The following GLS variants were observed in gnomAD, a reference collection of about 807,000 sequenced individuals.
GLS encodes the protein glutaminase.
GLS carries 36 observed loss-of-function variants against 86.7 expected under a neutral mutation model. The observed-to-expected ratio is 0.42, with a 90% CI of 0.32 to 0.55. GLS has a LOEUF of 0.55. GLS is among the 20% of genes least tolerant of loss of function. GLS has a pLI of 0.17. For synonymous variants in GLS, 317 were observed against 305.9 expected, an observed-to-expected ratio of 1.04 and a Z score of -0.38; for missense variants, 528 against 833.4, an observed-to-expected ratio of 0.63 and a Z score of 4.51.
intron 14 of GLS, among the ~76,000 whole-genome samples, chr2:190,940,477 A>G (rs1690393399): frequency 6.6e-6 from 1 of 152,076 alleles, no homozygotes; most frequent in Non-Finnish European, 1.5e-5. Context: ...AGGATAACCA[A>G]AAAAATAACT....
At chr2:190,936,922 A>G (rs974440646) in intron 14 of GLS, among the ~76,000 whole-genome samples, 1 of 151,320 alleles carries the variant, frequency 6.6e-6, no homozygotes, top group African/African-American at 2.4e-5. Context: ...TTTTAAAGGT[A>G]TACGATCAGA....
At chr2:190,916,194 T>C (rs1245583861) in intron 7 of GLS, among the ~76,000 whole-genome samples, 1 of 152,200 alleles carries the variant, frequency 6.6e-6, no homozygotes, top group African/African-American at 2.4e-5. Flanking sequence ...ATCTTACAAA[T>C]TAGTATGGGA....
intron 17 of GLS, among the ~76,000 whole-genome samples, chr2:190,957,408 T>G (rs1157412732): frequency 2.0e-5 from 3 of 152,252 alleles, no homozygotes; most frequent in African/African-American, 7.2e-5. Context: ...TTTCTTTCCC[T>G]TGCCTGATTG....
chr2:190,894,516 G>GATTC (rs752932886), intron 1 of GLS, among the ~76,000 whole-genome samples: 16 of 152,056 alleles, frequency 1.1e-4, no homozygotes, highest in Non-Finnish European at 1.9e-4. Context: ...TGAATGTATT[G>GATTC]AGTCAACTGA....
chr2:190,881,453 G>A lies in GLS; in HGVS notation c.369G>A (p.Leu123=), dbSNP rs1365004761. 10 of 1,541,732 alleles carry A rather than the reference G, an allele frequency of 6.5e-6. No individual in the cohort carries two copies. The highest frequency in any genetic ancestry group is 7.9e-6 in the Non-Finnish European group (9 of 1,143,262). ...DAFGNSEGKE[L]VASGENKIKQ... The stretch of plus-strand genomic sequence containing the variant: ...TTGGCAACAGCGAGGGCAAAGAGCT[G>A]GTGGCCTCAGGTGAAAAGTGAGTGT... Residue 123 remains leucine (L), a synonymous_variant, in exon 1 of 18, where the codon CTG becomes CTA. Coordinates refer to ENST00000320717, the MANE Select transcript of GLS (RefSeq NM_014905.5).
In GLS at chr2:190,930,422, C is replaced by G; in HGVS notation, c.1426-15C>G. 6.3e-7 allele frequency: 1 copy of G among 1,582,854 alleles called. No homozygotes were observed. The highest frequency in any genetic ancestry group is 1.3e-5 in the African/African-American group (1 of 74,316). ...AAATGTTTACCTGAATACTCTTTTA[C>G]TGAATTATTTTTAGGTTGGTCTTCC... On this transcript the variant is annotated splice_polypyrimidine_tract_variant and intron_variant, in intron 12 of 17. Transcript: ENST00000320717. This position sits in a 1 kb window ranked among gnomAD's most constrained non-coding sequence, Gnocchi z 5.0.
In GLS at chr2:190,921,124, T is replaced by C. The variant is rs1162608128; in HGVS notation, c.1072-21T>C. ...TATATTTGTTTTTTGATTACTAATA[T>C]TCCCTACTTTTGGTTTCTAGGTCAT... On this transcript the variant is annotated intron_variant, in intron 8 of 17. Coordinates refer to ENST00000320717, the MANE Select transcript of GLS (RefSeq NM_014905.5). The surrounding 1 kb of genome is among the most constrained non-coding windows in gnomAD (Gnocchi z 4.2). 4 of 1,594,474 alleles carry C rather than the reference T, an allele frequency of 2.5e-6. No individual in the cohort carries two copies. In the Admixed American group the frequency reaches 6.7e-5, roughly 27 times the overall value.
chr2:190,924,909 G>T lies in GLS; in HGVS notation c.1248+316G>T, dbSNP rs532618116. 2 of 220,472 alleles carry T rather than the reference G, an allele frequency of 9.1e-6. No homozygotes were observed. Among genetic ancestry groups the T allele is most frequent in the Non-Finnish European group, 1.8e-5 (2 of 111,014 alleles). The allele number at this position is 220,472 out of a possible 1,614,324, so 13.7% of individuals were successfully genotyped here. ...CAGCCTGGCGACACAGTGAGACTCC[G>T]TCTCAAAATAAATAAATGGATGTGT... On this transcript the variant is annotated intron_variant, in intron 11 of 17. Coordinates refer to ENST00000320717, the MANE Select transcript of GLS (RefSeq NM_014905.5). This position sits in a 1 kb window ranked among gnomAD's most constrained non-coding sequence, Gnocchi z 5.2.
At position 190,915,919 on chromosome 2, in the gene GLS, A is replaced by G. The variant is rs572990166; in HGVS notation, c.1039-5105A>G. On this transcript the variant is annotated intron_variant, in intron 7 of 17. Transcript: ENST00000320717. ...TAAGTTGTCAGTCAATAGGAGCATTAGCATAATTTTTGAGGCTAGAGTACT... is the reference window on the plus strand; with the variant it reads ...TAAGTTGTCAGTCAATAGGAGCATTGGCATAATTTTTGAGGCTAGAGTACT... Among the ~76,000 whole-genome samples, 26 of 152,346 alleles carry G rather than the reference A, an allele frequency of 1.7e-4. No homozygotes were observed. In the East Asian group the frequency reaches 3.1e-3, roughly 18 times the overall value.
rs1690611994 is a variant in GLS at position 190,947,676 on chromosome 2, C to T, written c.1651-5889C>T. On this transcript the variant is annotated intron_variant, in intron 14 of 17. Coordinates refer to ENST00000320717, the MANE Select transcript of GLS (RefSeq NM_014905.5). This position sits in a 1 kb window ranked among gnomAD's most constrained non-coding sequence, Gnocchi z 5.0. ...ATGCCTCTGGCATTTACTGTTAACC[C>T]ATTATTTTCTGGACTTTGGCCTCCT... 6.6e-6 allele frequency among the ~76,000 whole-genome samples: 1 copy of T among 152,094 alleles called. No homozygotes were observed. The highest frequency in any genetic ancestry group is 2.1e-4 in the South Asian group (1 of 4,814).
intron 1 of GLS, among the ~76,000 whole-genome samples, chr2:190,892,243 A>G (rs1317239075): frequency 6.6e-6 from 1 of 152,218 alleles, no homozygotes; most frequent in Non-Finnish European, 1.5e-5. Context: ...TGGTAAGATG[A>G]TCTTAAAGGC....
At chr2:190,939,781 A>T (rs957647994) in intron 14 of GLS, among the ~76,000 whole-genome samples, 6 of 151,812 alleles carry the variant, frequency 4.0e-5, no homozygotes, top group African/African-American at 1.2e-4. Context: ...AATGAGATTG[A>T]TACCTAAAAT....
chr2:190,949,617 C>T lies in GLS; in HGVS notation c.1651-3948C>T, dbSNP rs1351142165. On this transcript the variant is annotated intron_variant, in intron 14 of 17. Coordinates refer to ENST00000320717, the MANE Select transcript of GLS (RefSeq NM_014905.5). This position sits in a 1 kb window ranked among gnomAD's most constrained non-coding sequence, Gnocchi z 4.0. ...CTGAGGTGGGAGAATCACTTGAACC[C>T]GAGAGGCGAAGGTTGTATGAGCCGA... 6.6e-6 allele frequency among the ~76,000 whole-genome samples: 1 copy of T among 151,938 alleles called. No homozygotes were observed. The highest frequency in any genetic ancestry group is 1.5e-5 in the Non-Finnish European group (1 of 67,976).
In GLS at chr2:190,905,983, A is replaced by G. The variant is rs1689123579; in HGVS notation, c.979+816A>G. 6.6e-6 allele frequency among the ~76,000 whole-genome samples: 1 copy of G among 151,974 alleles called. No individual in the cohort carries two copies. Among genetic ancestry groups the G allele is most frequent in the African/African-American group, 2.4e-5 (1 of 41,456 alleles). On this transcript the variant is annotated intron_variant, in intron 6 of 17. Coordinates refer to ENST00000320717, the MANE Select transcript of GLS (RefSeq NM_014905.5). This position sits in a 1 kb window ranked among gnomAD's most constrained non-coding sequence, Gnocchi z 4.6. Reference sequence around the variant, plus strand: ...GTATAAAAAATGAAATGTGCCTTATACTCATTATTTTATTAGTTTGTAAGA... The same window carrying G: ...GTATAAAAAATGAAATGTGCCTTATGCTCATTATTTTATTAGTTTGTAAGA...
chr2:190,932,403 C>T (rs1049586666), intron 14 of GLS, among the ~76,000 whole-genome samples: 6 of 151,772 alleles, frequency 4.0e-5, no homozygotes, highest in Non-Finnish European at 8.8e-5. Context: ...CCTAATTAGA[C>T]CTCAAGATAA....
At chr2:190,894,875 A>G (rs955596743) in intron 1 of GLS, among the ~76,000 whole-genome samples, 1 of 152,216 alleles carries the variant, frequency 6.6e-6, no homozygotes, top group East Asian at 1.9e-4. Context: ...CATCACCATA[A>G]CGGATGGCTG....
chr2:190,885,381 G>A (rs1278799818), intron 1 of GLS, among the ~76,000 whole-genome samples: 1 of 151,984 alleles, frequency 6.6e-6, no homozygotes, highest in Admixed American at 6.5e-5. Context: ...GTAGAGATGG[G>A]GTTTCACCAT....
chr2:190,907,583 C>T (rs1253805512), intron 6 of GLS, among the ~76,000 whole-genome samples: 1 of 152,172 alleles, frequency 6.6e-6, no homozygotes, highest in Non-Finnish European at 1.5e-5. Flanking sequence ...ATGTTTGCAA[C>T]ATAGAAAGTT....
intron 5 of GLS, among the ~76,000 whole-genome samples, chr2:190,904,372 T>G (rs1257797548): frequency 1.3e-5 from 2 of 152,196 alleles, no homozygotes; most frequent in Non-Finnish European, 2.9e-5. Context: ...AGGAGGAGCA[T>G]GCTCTTACTC....
Sources: gnomAD v4.1 joint callset for allele counts (sites outside exome capture counted in the v4.1 genomes callset) on GRCh38, gnomAD v4.1.1 for gene constraint, Gnocchi (gnomAD v3.1) non-coding constraint, MANE v1.5 for transcripts, NCBI Gene and HGNC (gene_info 2026-07-23, HGNC 2026-07-21) for gene names.